MALRD1: variants seen among roughly 807,000 people sequenced by gnomAD.
The protein encoded by MALRD1 is MAM and LDL receptor class A domain containing 1.
A neutral mutation model predicts 242.1 loss-of-function variants in MALRD1; 247 were observed. The observed-to-expected ratio is 1.02, with a 90% CI of 0.92 to 1.13. The LOEUF (loss-of-function observed/expected upper bound fraction) is 1.13, where lower values mean the gene tolerates loss of function less well. MALRD1 is among the 50% of genes most tolerant of loss of function. The pLI is 0.00. For synonymous variants in MALRD1, 995 were observed against 866.6 expected (o/e 1.15, Z -2.60); for missense variants, 2,989 against 2,533.1 (o/e 1.18, Z -3.86).
chr10:19,340,695 TAGC>T (rs766340739), intron 24 of MALRD1, among the ~76,000 whole-genome samples: 2 of 152,162 alleles, frequency 1.3e-5, no homozygotes, highest in Non-Finnish European at 2.9e-5. Flanking sequence ...AATCACTTAA[TAGC>T]AGTCTTTCAC....
intron 38 of MALRD1, chr10:19,711,166 C>T (rs1834093826): frequency 6.6e-6 from 1 of 152,166 alleles, no homozygotes; most frequent in African/African-American, 2.4e-5. Flanking sequence ...AATCTTCTGT[C>T]ACATCATTTC....
chr10:19,054,907 A>C (rs1275806427), intron 1 of MALRD1, among the ~76,000 whole-genome samples: 1 of 152,308 alleles, frequency 6.6e-6, no homozygotes, highest in East Asian at 1.9e-4. Context: ...CTTCTTCAGA[A>C]ATATACCTAG....
chr10:19,574,947 C>T (rs781506625), intron 33 of MALRD1, among the ~76,000 whole-genome samples: 8 of 152,090 alleles, frequency 5.3e-5, no homozygotes, highest in Non-Finnish European at 1.2e-4. Context: ...TTTAAGTTTG[C>T]CATTCATTCA....
At chr10:19,698,615 A>G (rs1317685198) in intron 38 of MALRD1, among the ~76,000 whole-genome samples, 1 of 152,172 alleles carries the variant, frequency 6.6e-6, no homozygotes, top group Non-Finnish European at 1.5e-5. Context: ...AGATACCATC[A>G]CCAGCACTAC....
At chr10:19,425,993 T>G (rs1265110875) in intron 28 of MALRD1, among the ~76,000 whole-genome samples, 1 of 152,170 alleles carries the variant, frequency 6.6e-6, no homozygotes, top group Non-Finnish European at 1.5e-5. Context: ...TCCCAAAACA[T>G]TTCACTGGAA....
At chr10:19,601,950 A>G (rs1838361532) in intron 34 of MALRD1, among the ~76,000 whole-genome samples, 1 of 152,062 alleles carries the variant, frequency 6.6e-6, no homozygotes, top group South Asian at 2.1e-4. Flanking sequence ...ATGTATGCAC[A>G]CAAAAATTTG....
chr10:19,527,413 C>A (rs564684473), intron 31 of MALRD1, among the ~76,000 whole-genome samples: 14 of 152,238 alleles, frequency 9.2e-5, no homozygotes, highest in Non-Finnish European at 1.8e-4. Flanking sequence ...TACATAAATA[C>A]AAGATTTTAA....
At chr10:19,310,627 A>C (rs573525827) in intron 21 of MALRD1, among the ~76,000 whole-genome samples, 1 of 151,662 alleles carries the variant, frequency 6.6e-6, no homozygotes, top group African/African-American at 2.4e-5. Context: ...ATTTGGTCTT[A>C]AGATCTTTCA....
rs892750837 is a variant in MALRD1, at chr10:19,124,602, G to T, written c.875G>T (p.Arg292Leu). 2.4e-6 allele frequency: 3 copies of T among 1,233,592 alleles called. No homozygotes were observed. In the African/African-American group the frequency reaches 4.7e-5, roughly 19 times the overall value. The allele number at this position is 1,233,592 out of a possible 1,614,324, so 76.4% of individuals were successfully genotyped here. ...EASAGQISWM[R>L]TKAREIPAFE... ...TCTGCTGGCCAAATTTCCTGGATGC[G>T]CACAAAAGCGAGAGAGATCCCTGCA... Residue 292 changes from arginine to leucine, a missense_variant, in exon 7 of 40, where the codon CGC (arginine) becomes CTC (leucine). Transcript: ENST00000454679.
chr10:19,125,259 C>T (rs764946031), intron 7 of MALRD1, among the ~76,000 whole-genome samples: 2 of 150,288 alleles, frequency 1.3e-5, no homozygotes, highest in African/African-American at 4.9e-5. Context: ...TCGGCCAGCT[C>T]TTTCTTTCTC....
At chr10:19,273,817 G>C (rs1188147495) in intron 19 of MALRD1, among the ~76,000 whole-genome samples, 1 of 152,164 alleles carries the variant, frequency 6.6e-6, no homozygotes, top group African/African-American at 2.4e-5. Flanking sequence ...GACAGGAATA[G>C]GGTGTCAGAT....
In MALRD1 at chr10:19,692,543, G is replaced by A; in HGVS notation, c.6303G>A (p.Lys2101=). The A allele has an allele frequency of 6.5e-7, 1 of 1,535,106 alleles. No homozygotes were observed. The highest frequency in any genetic ancestry group is 8.7e-7 in the Non-Finnish European group (1 of 1,146,046). ...VAVLCFLANR[K]VPIRKTEGSG... ...TCTTGTGTTTTCTTGCAAACAGAAAGGTACCAATAAGGTAAGTGATGCCTT... is the reference window on the plus strand; with the variant it reads ...TCTTGTGTTTTCTTGCAAACAGAAAAGTACCAATAAGGTAAGTGATGCCTT... Residue 2101 remains lysine (K), a synonymous_variant, in exon 38 of 40, where the codon AAG becomes AAA. Transcript: ENST00000454679.
At chr10:19,685,450 A>C (rs1589398577) in intron 36 of MALRD1, among the ~76,000 whole-genome samples, 1 of 152,150 alleles carries the variant, frequency 6.6e-6, no homozygotes, top group Non-Finnish European at 1.5e-5. Flanking sequence ...CTGTAGGGAG[A>C]AAAATGGAGA....
intron 29 of MALRD1, among the ~76,000 whole-genome samples, chr10:19,467,856 C>T (rs1375960612): frequency 2.0e-5 from 3 of 151,832 alleles, no homozygotes; most frequent in East Asian, 3.9e-4. Context: ...TGCAGTGGCA[C>T]GATCTCGGCT....
chr10:19,535,389 A>G (rs2131361217), intron 32 of MALRD1, among the ~76,000 whole-genome samples: 1 of 152,070 alleles, frequency 6.6e-6, no homozygotes, highest in Middle Eastern at 3.4e-3. Flanking sequence ...TATGTGTACT[A>G]GTATGCAATT....
intron 21 of MALRD1, among the ~76,000 whole-genome samples, chr10:19,294,193 G>C (rs1056387395): frequency 5.3e-5 from 8 of 152,060 alleles, no homozygotes; most frequent in African/African-American, 1.9e-4. Context: ...CTTTAAATAT[G>C]CTTTTCCTTT....
intron 26 of MALRD1, among the ~76,000 whole-genome samples, chr10:19,385,553 A>G (rs1846038647): frequency 6.6e-6 from 1 of 151,876 alleles, no homozygotes; most frequent in Non-Finnish European, 1.5e-5. Flanking sequence ...AGTCTCAATG[A>G]TCCTTTATGT....
At chr10:19,537,163 A>G (rs1347543714) in intron 32 of MALRD1, among the ~76,000 whole-genome samples, 1 of 152,202 alleles carries the variant, frequency 6.6e-6, no homozygotes, top group Non-Finnish European at 1.5e-5. Context: ...AAGGAGACTC[A>G]GTTTTATTCT....
chr10:19,194,983 T>C (rs1836170878), intron 14 of MALRD1, among the ~76,000 whole-genome samples: 1 of 152,178 alleles, frequency 6.6e-6, no homozygotes, highest in Admixed American at 6.6e-5. Context: ...TCACAAGTTT[T>C]AAATTGCACT....
Sources: allele counts gnomAD v4.1 joint callset (sites outside exome capture counted in the v4.1 genomes callset), GRCh38; gene constraint gnomAD v4.1.1; transcripts MANE v1.5; gene names NCBI Gene and HGNC (gene_info 2026-07-23, HGNC 2026-07-21).